Variants in PCDHA11 observed in about 807,000 individuals in gnomAD.
PCDHA11 encodes protocadherin alpha-11.
A neutral mutation model predicts 70.3 loss-of-function variants in PCDHA11; 61 were observed. The observed-to-expected ratio is 0.87, with a 90% CI of 0.71 to 1.07. PCDHA11 has a LOEUF of 1.07. PCDHA11 is among the 50% of genes least tolerant of loss of function. PCDHA11 has a pLI of 0.00. For missense variants in PCDHA11, 1,324 were observed against 1,237.5 expected (o/e 1.07, Z -1.05); for synonymous variants, 633 against 555.1 (o/e 1.14, Z -1.97).
intron 1 of PCDHA11, chr5:140,884,538 G>C: frequency 6.2e-7 from 1 of 1,614,112 alleles, no homozygotes; most frequent in Non-Finnish European, 8.5e-7. Flanking sequence ...AGGCGGCCGA[G>C]GGTGTGCTCT....
rs576221086 is a variant in PCDHA11, at chr5:140,933,031, A to G, written c.2392-45918A>G. Among the ~76,000 whole-genome samples, 5 of 152,154 alleles carry G rather than the reference A, an allele frequency of 3.3e-5. No individual in the cohort carries two copies. The South Asian group carries it at 6.2e-4, about 19-fold the overall frequency. ...AATATTAACACTTGGCAGAACTTCAAGTGAATATGGATTACAGTCCAGGAT... is the reference window on the plus strand; with the variant it reads ...AATATTAACACTTGGCAGAACTTCAGGTGAATATGGATTACAGTCCAGGAT... On this transcript the variant is annotated intron_variant, in intron 1 of 3. Coordinates refer to ENST00000398640, the MANE Select transcript of PCDHA11 (RefSeq NM_018902.5).
In PCDHA11 at chr5:141,011,249, G is replaced by A. The variant is rs1159894108; in HGVS notation, c.*1312G>A. The A allele has an allele frequency of 6.5e-6, 1 of 153,682 alleles. No homozygotes were observed. The highest frequency in any genetic ancestry group is 1.5e-5 in the Non-Finnish European group (1 of 68,038). The allele number at this position is 153,682 out of a possible 1,614,324, so 9.5% of individuals were successfully genotyped here. On this transcript the variant is annotated 3_prime_UTR_variant, in exon 4 of 4. Coordinates refer to ENST00000398640, the MANE Select transcript of PCDHA11 (RefSeq NM_018902.5). ...TACTAATTCTGTGACTTGTCTTGGT[G>A]TGCTAGCCTACACCTTCTCTTTGGT... is the stretch of plus-strand genomic sequence containing the variant.
chr5:140,966,862 G>C lies in PCDHA11; in HGVS notation c.2392-12087G>C, dbSNP rs782810195. On this transcript the variant is annotated intron_variant, in intron 1 of 3. Transcript: ENST00000398640. ...TGCTACTGCCTCTCCTGCTGCTGTTGCTGCTGCTGCTACCTGGCCCTGCGG... is the reference window on the plus strand; with the variant it reads ...TGCTACTGCCTCTCCTGCTGCTGTTCCTGCTGCTGCTACCTGGCCCTGCGG... The C allele has an allele frequency of 1.2e-5, 18 of 1,562,198 alleles. No individual in the cohort carries two copies. Among genetic ancestry groups the C allele is most frequent in the Non-Finnish European group, 1.5e-5 (18 of 1,164,444 alleles).
rs2098420803 is a variant in PCDHA11, at chr5:141,011,492, A to G, written c.*1555A>G. 1 of 153,698 alleles carries G rather than the reference A, an allele frequency of 6.5e-6. No individual in the cohort carries two copies. Among genetic ancestry groups the G allele is most frequent in the African/African-American group, 2.4e-5 (1 of 41,432 alleles). 9.5% of individuals were successfully genotyped at this position (153,698 alleles called of 1,614,324 possible). A position where few individuals can be genotyped will look rare whatever the true frequency, so the allele number is the denominator to read the frequency against. On this transcript the variant is annotated 3_prime_UTR_variant, in exon 4 of 4. Transcript: ENST00000398640. ...AATTCCATTATATTTCCTTTTGTAC[A>G]CCTGTGAAAAAGTGGAGTAGTGTTT... is the stretch of plus-strand genomic sequence containing the variant.
intron 3 of PCDHA11, among the ~76,000 whole-genome samples, chr5:140,994,520 T>C (rs2097631658): frequency 6.8e-6 from 1 of 147,840 alleles, no homozygotes; most frequent in African/African-American, 2.6e-5. Context: ...CTGGGCAACA[T>C]GGCAAAACCC....
At chr5:140,947,949 AT>A (rs1326528139) in intron 1 of PCDHA11, among the ~76,000 whole-genome samples, 1 of 151,494 alleles carries the variant, frequency 6.6e-6, no homozygotes, top group African/African-American at 2.4e-5. Context: ...AGTGTTCCAT[AT>A]TTTACAATTA....
At chr5:140,922,548 G>T (rs2080883425) in intron 1 of PCDHA11, among the ~76,000 whole-genome samples, 2 of 152,172 alleles carry the variant, frequency 1.3e-5, no homozygotes, top group Non-Finnish European at 2.9e-5. Flanking sequence ...GCAAGGTAAG[G>T]AGAAAAGTCA....
intron 1 of PCDHA11, chr5:140,882,561 G>T (rs2059195927): frequency 1.2e-6 from 2 of 1,614,222 alleles, no homozygotes; most frequent in East Asian, 4.5e-5. Context: ...CTGTGTGGGC[G>T]GAGCGCGGAG....
At chr5:140,968,639 G>T (rs1278507600) in intron 1 of PCDHA11, 1 of 1,614,150 alleles carries the variant, frequency 6.2e-7, no homozygotes, top group Non-Finnish European at 8.5e-7. Context: ...TTACCATCTA[G>T]CCCAGACTTC....
In PCDHA11 at chr5:140,870,834, C is replaced by T. The variant is rs370941881; in HGVS notation, c.1731C>T (p.Asn577=). ...CTGGCAGCGCGGGAGGCGCAGTTAA[C>T]AAGCTAGTACCGCGGTCGGTGGGTG... ...TQAGSAGGAV[N]KLVPRSVGAG... Residue 577 remains asparagine (N), a synonymous_variant, in exon 1 of 4, where the codon AAC becomes AAT. Transcript: ENST00000398640. 184 of 1,613,806 alleles carry T rather than the reference C, an allele frequency of 1.1e-4. 2 individuals are homozygous for T. In the South Asian group the frequency reaches 1.5e-3, roughly 13 times the overall value.
intron 1 of PCDHA11, among the ~76,000 whole-genome samples, chr5:140,941,207 CT>C (rs880001940): frequency 0.13 from 13,079 of 103,138 alleles, 665 homozygotes; most frequent in African/African-American, 0.21. Context: ...TTCTTCCTTT[CT>C]TTCTTCCTTT....
intron 1 of PCDHA11, among the ~76,000 whole-genome samples, chr5:140,905,954 C>G (rs1297429672): frequency 6.6e-6 from 1 of 152,158 alleles, no homozygotes; most frequent in Non-Finnish European, 1.5e-5. Context: ...ATCCGATGTT[C>G]AAGGGGAGGA....
intron 1 of PCDHA11, among the ~76,000 whole-genome samples, chr5:140,873,728 T>A (rs1208346643): frequency 6.6e-6 from 1 of 152,190 alleles, no homozygotes; most frequent in African/African-American, 2.4e-5. Flanking sequence ...TGGCGCAATC[T>A]CAGCTCACTG....
rs959374162 is a variant in PCDHA11 at position 140,869,504 on chromosome 5, C to G, written c.401C>G (p.Ser134Trp). 6.2e-7 allele frequency: 1 copy of G among 1,614,200 alleles called. No individual in the cohort carries two copies. The highest frequency in any genetic ancestry group is 1.7e-5 in the Admixed American group (1 of 60,030). Residue 134 changes from serine to tryptophan, a missense_variant, in exon 1 of 4, where the codon TCG becomes TGG. By Grantham distance (177) the Ser-to-Trp change is radical (BLOSUM62 -3). Coordinates refer to ENST00000398640, the MANE Select transcript of PCDHA11 (RefSeq NM_018902.5). ...ATTAACGACAACCCGCCGGTGTTCT[C>G]GCTCAGAGAACAAAAGCTGCTGATT... ...KDINDNPPVF[S>W]LREQKLLIAE...
chr5:140,995,544 A>T (rs2097688289), intron 3 of PCDHA11, among the ~76,000 whole-genome samples: 1 of 152,234 alleles, frequency 6.6e-6, no homozygotes, highest in African/African-American at 2.4e-5. Context: ...ATAAGGGGCG[A>T]TCACTGTACT....
At position 140,985,395 on chromosome 5, in the gene PCDHA11, C is replaced by G. The variant is rs377641758; in HGVS notation, c.2539+2832C>G. 2.6e-5 allele frequency among the ~76,000 whole-genome samples: 4 copies of G among 152,302 alleles called. No individual in the cohort carries two copies. The East Asian group carries it at 7.7e-4, about 29-fold the overall frequency. On this transcript the variant is annotated intron_variant, in intron 3 of 3. Coordinates refer to ENST00000398640, the MANE Select transcript of PCDHA11 (RefSeq NM_018902.5). ...GGTCTATATAATCCAGTCACCCCAACTGTTCCCCTGGAAATGGAGTGAGGA... is the reference window on the plus strand; with the variant it reads ...GGTCTATATAATCCAGTCACCCCAAGTGTTCCCCTGGAAATGGAGTGAGGA...
At position 140,869,381 on chromosome 5, in the gene PCDHA11, A is replaced by G; in HGVS notation, c.278A>G (p.Glu93Gly). The stretch of plus-strand genomic sequence containing the variant: ...TTTGTGAATTCTCGGATCGACCGCG[A>G]GGAGCTGTGCGGGCAGAGCGCGGAG... ...ILFVNSRIDR[E>G]ELCGQSAECS... is the part of the protein sequence containing the mutation. The change falls in exon 1 of 4, where the codon GAG becomes GGG. Residue 93 changes from glutamate (E) to glycine (G), a missense_variant. Physicochemically the swap from Glu to Gly is moderately conservative, Grantham distance 98 (BLOSUM62 -2). Coordinates refer to ENST00000398640, the MANE Select transcript of PCDHA11 (RefSeq NM_018902.5). 1.2e-6 allele frequency: 2 copies of G among 1,614,128 alleles called. No homozygotes were observed. The highest frequency in any genetic ancestry group is 1.1e-5 in the South Asian group (1 of 91,078).
rs1274160852 is a variant in PCDHA11, at chr5:140,922,009, TA to T, written c.2391+50522del. On this transcript the variant is annotated intron_variant, in intron 1 of 3. Coordinates refer to ENST00000398640, the MANE Select transcript of PCDHA11 (RefSeq NM_018902.5). ...AAAGAGTTCAATGAAATGATTAGTTTAAAAAAATAAATATAAAAAATGTAAT... is the reference window on the plus strand; with the variant it reads ...AAAGAGTTCAATGAAATGATTAGTTTAAAAAATAAATATAAAAAATGTAAT... 1.3e-5 allele frequency among the ~76,000 whole-genome samples: 2 copies of T among 152,076 alleles called. 1 individual carries two copies. The highest frequency in any genetic ancestry group is 4.8e-5 in the African/African-American group (2 of 41,508).
intron 1 of PCDHA11, among the ~76,000 whole-genome samples, chr5:140,892,769 T>C (rs1182235195): frequency 6.6e-6 from 1 of 152,210 alleles, no homozygotes; most frequent in Non-Finnish European, 1.5e-5. Context: ...TCCACTCTTC[T>C]AGCTTCTTGA....
Sources: gnomAD v4.1 joint callset for allele counts (sites outside exome capture counted in the v4.1 genomes callset) on GRCh38, gnomAD v4.1.1 for gene constraint, MANE v1.5 for transcripts, NCBI Gene and HGNC (gene_info 2026-07-23, HGNC 2026-07-21) for gene names.